The following PDE1C variants were observed in gnomAD, a reference collection of about 807,000 sequenced individuals.
The protein encoded by PDE1C is phosphodiesterase 1C.
PDE1C carries 62 observed loss-of-function variants against 93.1 expected under a neutral mutation model. The observed-to-expected ratio is 0.67, with a 90% CI of 0.54 to 0.82. PDE1C has a LOEUF of 0.82. PDE1C is among the 40% of genes least tolerant of loss of function. The pLI, the probability that PDE1C is intolerant of heterozygous loss-of-function variation, is 0.00. For synonymous variants in PDE1C, 325 were observed against 310.1 expected (o/e 1.05, Z -0.50); for missense variants, 742 against 884.6 (o/e 0.84, Z 2.04).
the PDE1C span, among the ~76,000 whole-genome samples, chr7:31,703,100 T>A: frequency 6.6e-6 from 1 of 152,192 alleles, no homozygotes; most frequent in Non-Finnish European, 1.5e-5. Flanking sequence ...GGACCATAAA[T>A]ATGTCTCCCA....
intron 1 of PDE1C, among the ~76,000 whole-genome samples, chr7:32,054,837 G>A (rs1793855716): frequency 6.6e-6 from 1 of 152,172 alleles, no homozygotes; most frequent in African/African-American, 2.4e-5. Flanking sequence ...AAGAGAAAAT[G>A]CAACTCATAA....
chr7:32,223,345 G>T (rs1314972970), intron 1 of PDE1C, among the ~76,000 whole-genome samples: 1 of 152,178 alleles, frequency 6.6e-6, no homozygotes, highest in African/African-American at 2.4e-5. Context: ...TTGTAACAGG[G>T]CTTTGTAACG....
intron 2 of PDE1C, among the ~76,000 whole-genome samples, chr7:31,920,411 C>T (rs974469750): frequency 6.6e-6 from 1 of 152,182 alleles, no homozygotes; most frequent in African/African-American, 2.4e-5. Flanking sequence ...CTGCTCCCTG[C>T]AACCTCCAAT....
intron 2 of PDE1C, among the ~76,000 whole-genome samples, chr7:31,983,760 T>C (rs1783000999): frequency 6.6e-6 from 1 of 152,152 alleles, no homozygotes; most frequent in Non-Finnish European, 1.5e-5. Flanking sequence ...ACTTGCAAAT[T>C]TTAAAACCCT....
chr7:32,307,085 C>T (rs1457476243), intron 1 of PDE1C, among the ~76,000 whole-genome samples: 3 of 152,194 alleles, frequency 2.0e-5, no homozygotes, highest in African/African-American at 7.2e-5. Flanking sequence ...AGAAAAACAG[C>T]ACTTAGTCAT....
the PDE1C span, among the ~76,000 whole-genome samples, chr7:31,677,851 A>G: frequency 2.0e-5 from 3 of 152,190 alleles, no homozygotes; most frequent in Non-Finnish European, 2.9e-5. Flanking sequence ...AATTATCTCT[A>G]TTTACATGTG....
the PDE1C span, among the ~76,000 whole-genome samples, chr7:31,717,359 T>C: frequency 6.6e-6 from 1 of 152,216 alleles, no homozygotes; most frequent in Non-Finnish European, 1.5e-5. Context: ...TTTGCACAGT[T>C]TCAGCTTGAA....
the PDE1C span, among the ~76,000 whole-genome samples, chr7:31,733,994 ACT>A: frequency 1.5e-5 from 2 of 129,046 alleles, no homozygotes; most frequent in Non-Finnish European, 3.4e-5. Flanking sequence ...ACAGAGTGAG[ACT>A]CTGTTTCAAA....
intron 3 of PDE1C, among the ~76,000 whole-genome samples, chr7:32,101,817 A>T (rs1798051626): frequency 6.6e-6 from 1 of 152,222 alleles, no homozygotes; most frequent in Non-Finnish European, 1.5e-5. Flanking sequence ...TTCTATAAAG[A>T]TACCTGAAGA....
chr7:32,192,901 G>A (rs2392052), intron 2 of PDE1C, among the ~76,000 whole-genome samples: 45,440 of 151,810 alleles, frequency 0.3, 7,194 homozygotes, highest in Admixed American at 0.43. Context: ...GTACCTACAA[G>A]TGTTGTTAGA....
At chr7:31,652,639 G>A in the PDE1C span, 7 of 1,613,834 alleles carry the variant, frequency 4.3e-6, no homozygotes, top group Non-Finnish European at 5.9e-6. Context: ...ATGGCCCCGA[G>A]GACTGTGTTT....
intron 1 of PDE1C, among the ~76,000 whole-genome samples, chr7:32,266,488 A>G (rs1459054830): frequency 6.6e-6 from 1 of 150,516 alleles, no homozygotes; most frequent in Non-Finnish European, 1.5e-5. Context: ...CAACAGAGTG[A>G]GACTCCGTCA....
At chr7:32,131,761 C>A (rs185563046) in intron 3 of PDE1C, among the ~76,000 whole-genome samples, 2 of 152,238 alleles carry the variant, frequency 1.3e-5, no homozygotes. Context: ...ATTTCACATT[C>A]ATTTCTTCAT....
At chr7:32,191,478 C>A (rs1015190130) in intron 2 of PDE1C, among the ~76,000 whole-genome samples, 1 of 152,110 alleles carries the variant, frequency 6.6e-6, no homozygotes, top group Non-Finnish European at 1.5e-5. Context: ...AATAGACTCA[C>A]ACAATATGTA....
intron 1 of PDE1C, among the ~76,000 whole-genome samples, chr7:32,250,345 C>A (rs1227078165): frequency 6.6e-6 from 1 of 152,180 alleles, no homozygotes; most frequent in Non-Finnish European, 1.5e-5. Context: ...GTCTGTCTGA[C>A]TCAAAAACAT....
chr7:31,677,843 T>C, the PDE1C span, among the ~76,000 whole-genome samples: 1 of 152,276 alleles, frequency 6.6e-6, no homozygotes, highest in East Asian at 1.9e-4. Flanking sequence ...GGAGGTAGAA[T>C]TATCTCTATT....
At chr7:32,386,600 A>G (rs1216755403) in intron 1 of PDE1C, among the ~76,000 whole-genome samples, 1 of 129,622 alleles carries the variant, frequency 7.7e-6, no homozygotes, top group Admixed American at 8.3e-5. Context: ...TTTTTCCTAC[A>G]CCCTACATTA....
intron 7 of PDE1C, among the ~76,000 whole-genome samples, chr7:31,854,181 C>A (rs3801343): frequency 0.099 from 15,025 of 152,134 alleles, 1,070 homozygotes; most frequent in East Asian, 0.25. Flanking sequence ...ATGACCTCAA[C>A]ACTCCTAGCC....
At chr7:31,828,830 T>G (rs1026391765) in intron 11 of PDE1C, among the ~76,000 whole-genome samples, 1 of 152,176 alleles carries the variant, frequency 6.6e-6, no homozygotes, top group African/African-American at 2.4e-5. Flanking sequence ...TAGTGCTACC[T>G]AAAGCCACAC....
Sources: gnomAD v4.1 joint callset for allele counts (sites outside exome capture counted in the v4.1 genomes callset) on GRCh38, gnomAD v4.1.1 for gene constraint, MANE v1.5 for transcripts, NCBI Gene and HGNC (gene_info 2026-07-23, HGNC 2026-07-21) for gene names.